Variants in TRDN observed in about 807,000 individuals in gnomAD.
The protein encoded by TRDN is triadin in skeletal muscle.
A neutral mutation model predicts 149.7 loss-of-function variants in TRDN; 161 were observed. The ratio of observed to expected loss-of-function variants is 1.08; its 90% CI spans 0.95 to 1.23. The LOEUF is 1.23. TRDN is among the 50% of genes most tolerant of loss of function. TRDN has a pLI of 0.00. For synonymous variants in TRDN, 294 were observed against 250.5 expected (o/e 1.17, Z -1.64); for missense variants, 896 against 823.5 (o/e 1.09, Z -1.08).
chr6:123,416,914 G>A (rs1290951309), intron 12 of TRDN, among the ~76,000 whole-genome samples: 1 of 152,088 alleles, frequency 6.6e-6, no homozygotes, highest in Non-Finnish European at 1.5e-5. Flanking sequence ...TATTGGCCAG[G>A]CTGGACTTGA....
intron 19 of TRDN, among the ~76,000 whole-genome samples, chr6:123,368,444 CTAA>C (rs1488257108): frequency 1.3e-5 from 2 of 152,190 alleles, no homozygotes; most frequent in Non-Finnish European, 2.9e-5. Flanking sequence ...GGGAGTTTTT[CTAA>C]GCCTATGATA....
intron 24 of TRDN, among the ~76,000 whole-genome samples, chr6:123,312,970 G>T (rs4897186): frequency 0.18 from 27,498 of 151,830 alleles, 3,359 homozygotes; most frequent in East Asian, 0.6. Context: ...TGATCATATT[G>T]TATAATAAAA....
chr6:123,235,096 C>A (rs1368115720), intron 38 of TRDN, among the ~76,000 whole-genome samples: 1 of 151,982 alleles, frequency 6.6e-6, no homozygotes, highest in African/African-American at 2.4e-5. Context: ...TAGATGAACC[C>A]TAAGATAGCT....
chr6:123,544,151 T>A (rs1335524449), intron 4 of TRDN, among the ~76,000 whole-genome samples: 3 of 151,976 alleles, frequency 2.0e-5, no homozygotes, highest in Non-Finnish European at 4.4e-5. Flanking sequence ...TAATGTATTT[T>A]ACAGTTAGAA....
chr6:123,375,690 C>T, intron 18 of TRDN, 59 bp from the exon 19 acceptor site: 11 of 1,272,626 alleles, frequency 8.6e-6, no homozygotes, highest in Middle Eastern at 2.2e-4. Context: ...TATCTCTTTC[C>T]AAAATAATTG....
chr6:123,248,153 C>T (rs1435271714), intron 38 of TRDN, among the ~76,000 whole-genome samples: 5 of 151,902 alleles, frequency 3.3e-5, no homozygotes, highest in African/African-American at 7.3e-5. Flanking sequence ...TAAAATTGTG[C>T]GTTGAAATAA....
chr6:123,235,848 T>C (rs62418718), intron 38 of TRDN, among the ~76,000 whole-genome samples: 1,610 of 152,300 alleles, frequency 0.011, 15 homozygotes, highest in South Asian at 0.017. Flanking sequence ...CGTATTTGAA[T>C]TCATATAACT....
At position 123,514,665 on chromosome 6, in the gene TRDN, T is replaced by C. The variant is rs879295342; in HGVS notation, c.550+1476A>G. On this transcript the variant is annotated intron_variant, in intron 6 of 40. Coordinates refer to ENST00000334268, the MANE Select transcript of TRDN (RefSeq NM_006073.4). ...ACACACACACACACACACACACACA[T>C]ATCATTAGGAGAAATGGGCAGTGAG... 3.1e-3 allele frequency among the ~76,000 whole-genome samples: 366 copies of C among 118,038 alleles called. 1 individual carries two copies. The highest frequency in any genetic ancestry group is 0.013 in the Middle Eastern group (3 of 240). The allele number at this position is 118,038 out of a possible 152,430, so 77.4% of individuals were successfully genotyped here.
Position 123,499,719 on chromosome 6 carries a change from A to AAAAAAT in TRDN, c.794-2468_794-2467insATTTTT. Among the ~76,000 whole-genome samples, 472 of 47,610 alleles carry AAAAAAT rather than the reference A, an allele frequency of 9.9e-3. 39 individuals are homozygous for AAAAAAT. The highest frequency in any genetic ancestry group is 0.017 in the Non-Finnish European group (368 of 22,262). The allele number at this position is 47,610 out of a possible 152,430, so 31.2% of individuals were successfully genotyped here. ...ATTCTGGCTCAAAAAAAAAAAAAAA[A>AAAAAAT]ATATATATATATATATATATATATA... On this transcript the variant is annotated intron_variant, in intron 8 of 40. Coordinates refer to ENST00000334268, the MANE Select transcript of TRDN (RefSeq NM_006073.4).
intron 1 of TRDN, among the ~76,000 whole-genome samples, chr6:123,632,338 G>T (rs760375528): frequency 4.6e-5 from 7 of 151,892 alleles, no homozygotes; most frequent in Non-Finnish European, 1.0e-4. Context: ...CTAGTCAGAA[G>T]AGTCAGTTCT....
chr6:123,535,533 CATT>C (rs1269003217), intron 4 of TRDN, among the ~76,000 whole-genome samples: 2 of 152,092 alleles, frequency 1.3e-5, no homozygotes, highest in Non-Finnish European at 2.9e-5. Context: ...CCAAAGAAAA[CATT>C]ATCATACTGG....
At chr6:123,460,569 G>A (rs894198614) in intron 10 of TRDN, among the ~76,000 whole-genome samples, 7 of 152,110 alleles carry the variant, frequency 4.6e-5, no homozygotes, top group Admixed American at 3.3e-4. Context: ...ATATTGACCT[G>A]AAGTTCAATA....
intron 18 of TRDN, among the ~76,000 whole-genome samples, chr6:123,376,963 T>C (rs1781533421): frequency 1.3e-5 from 2 of 152,222 alleles, no homozygotes; most frequent in African/African-American, 2.4e-5. Context: ...CAAGAGGTGA[T>C]AGTTTTAAAT....
chr6:123,313,156 G>A (rs940290147), intron 24 of TRDN, among the ~76,000 whole-genome samples: 2 of 151,866 alleles, frequency 1.3e-5, no homozygotes, highest in Admixed American at 6.6e-5. Flanking sequence ...TATTCTCTAT[G>A]CTAGCTATTT....
At chr6:123,577,547 T>A (rs1583274767) in intron 1 of TRDN, among the ~76,000 whole-genome samples, 1 of 152,300 alleles carries the variant, frequency 6.6e-6, no homozygotes, top group African/African-American at 2.4e-5. Flanking sequence ...TAATCCGTCA[T>A]TGGTGGGCAT....
At chr6:123,459,889 A>T (rs1776352722) in intron 10 of TRDN, among the ~76,000 whole-genome samples, 1 of 152,172 alleles carries the variant, frequency 6.6e-6, no homozygotes, top group Non-Finnish European at 1.5e-5. Context: ...ATCTTAGGCA[A>T]TTTACTTGAT....
chr6:123,307,345 CT>C (rs1480595802), intron 24 of TRDN, among the ~76,000 whole-genome samples: 3 of 151,942 alleles, frequency 2.0e-5, no homozygotes, highest in Admixed American at 1.3e-4. Context: ...TGGGACAGTT[CT>C]TTCTTAATTA....
intron 1 of TRDN, among the ~76,000 whole-genome samples, chr6:123,620,967 C>T (rs1279389368): frequency 6.6e-6 from 1 of 152,092 alleles, no homozygotes; most frequent in African/African-American, 2.4e-5. Flanking sequence ...CAGCAAGGTG[C>T]AGAACCTAGT....
intron 6 of TRDN, among the ~76,000 whole-genome samples, chr6:123,513,741 G>C (rs1321507949): frequency 1.3e-5 from 2 of 152,036 alleles, no homozygotes; most frequent in Middle Eastern, 3.2e-3. Flanking sequence ...GGTCCAGGTG[G>C]TATTTGGTTA....
Sources: allele counts gnomAD v4.1 joint callset (sites outside exome capture counted in the v4.1 genomes callset), GRCh38; gene constraint gnomAD v4.1.1; transcripts MANE v1.5; gene names NCBI Gene and HGNC (gene_info 2026-07-23, HGNC 2026-07-21).